Variants in ZNRF3 observed in about 807,000 individuals in gnomAD.
ZNRF3 encodes zinc and ring finger 3, also known as E3 ubiquitin-protein ligase ZNRF3.
In ZNRF3, 23 loss-of-function variants were observed where a neutral mutation model predicts 72.5. The ratio of observed to expected loss-of-function variants is 0.32; its 90% CI spans 0.23 to 0.45. The LOEUF (loss-of-function observed/expected upper bound fraction) is 0.45. Among genes scored for constraint, ZNRF3 ranks in the 20% least tolerant of loss-of-function variants. ZNRF3 has a pLI of 1.00. For missense variants in ZNRF3, 1,169 were observed against 1,272.1 expected (o/e 0.92, Z 1.23); for synonymous variants, 610 against 545.3 (o/e 1.12, Z -1.65).
chr22:28,967,779 G>A (rs2035498330), intron 1 of ZNRF3, among the ~76,000 whole-genome samples: 1 of 151,832 alleles, frequency 6.6e-6, no homozygotes, highest in Admixed American at 6.6e-5. Flanking sequence ...ACAAAAACTA[G>A]CCAGGCATAA....
At chr22:28,947,896 G>A (rs1022196267) in intron 1 of ZNRF3, among the ~76,000 whole-genome samples, 2 of 152,144 alleles carry the variant, frequency 1.3e-5, no homozygotes, top group Admixed American at 1.3e-4. Context: ...CCAGGTTGGA[G>A]TGCAGTGGCG....
At chr22:28,922,373 A>G (rs2123770027) in intron 1 of ZNRF3, among the ~76,000 whole-genome samples, 1 of 152,282 alleles carries the variant, frequency 6.6e-6, no homozygotes, top group African/African-American at 2.4e-5. Context: ...AATGCATGTT[A>G]TTTAAAATTT....
At chr22:28,976,974 G>A (rs533345809) in intron 1 of ZNRF3, among the ~76,000 whole-genome samples, 2 of 152,294 alleles carry the variant, frequency 1.3e-5, no homozygotes, top group South Asian at 2.1e-4. Context: ...ATAATTCTCT[G>A]ACAAAATGAA....
intron 4 of ZNRF3, among the ~76,000 whole-genome samples, chr22:29,043,893 T>G (rs540003237): frequency 6.6e-6 from 1 of 152,362 alleles, no homozygotes; most frequent in African/African-American, 2.4e-5. Context: ...AATTTGAGTC[T>G]GGAAAAGTTA....
intron 1 of ZNRF3, among the ~76,000 whole-genome samples, chr22:28,912,961 C>T (rs988945854): frequency 3.3e-5 from 5 of 152,132 alleles, no homozygotes; most frequent in African/African-American, 9.7e-5. Flanking sequence ...CCACCGCACC[C>T]GGCAGGGACA....
intron 5 of ZNRF3, among the ~76,000 whole-genome samples, chr22:29,045,186 C>G (rs998037601): frequency 3.3e-5 from 5 of 152,034 alleles, no homozygotes. Flanking sequence ...CATGGCAAAA[C>G]CCCGTCTCTA....
At chr22:29,011,051 G>A (rs952479126) in intron 2 of ZNRF3, among the ~76,000 whole-genome samples, 2 of 151,880 alleles carry the variant, frequency 1.3e-5, no homozygotes, top group Non-Finnish European at 2.9e-5. Flanking sequence ...CTCTTTTTTT[G>A]TGCTTGCTCT....
chr22:28,899,844 C>G (rs1010103596), intron 1 of ZNRF3, among the ~76,000 whole-genome samples: 1 of 152,024 alleles, frequency 6.6e-6, no homozygotes, highest in Non-Finnish European at 1.5e-5. Context: ...CGTGCACCAC[C>G]ATGCCCAGCT....
intron 2 of ZNRF3, among the ~76,000 whole-genome samples, chr22:29,035,166 C>G (rs1305761447): frequency 6.6e-6 from 1 of 152,004 alleles, no homozygotes. Context: ...ATGGGGCATA[C>G]CAATGTGGTC....
At chr22:29,016,479 G>T (rs554581702) in intron 2 of ZNRF3, among the ~76,000 whole-genome samples, 3 of 152,302 alleles carry the variant, frequency 2.0e-5, no homozygotes, top group African/African-American at 7.2e-5. Context: ...AAGAAAGCCT[G>T]AATGAGGCCA....
intron 1 of ZNRF3, among the ~76,000 whole-genome samples, chr22:28,891,757 T>C (rs1012240800): frequency 1.3e-5 from 2 of 152,232 alleles, no homozygotes; most frequent in Admixed American, 1.3e-4. Context: ...GACCAAGAAA[T>C]AAGTCTATAA....
chr22:28,937,171 T>TA (rs1344160403), intron 1 of ZNRF3, among the ~76,000 whole-genome samples: 2 of 119,332 alleles, frequency 1.7e-5, no homozygotes, highest in African/African-American at 8.1e-5. Flanking sequence ...ACTTCTCTCT[T>TA]ATAATATATA....
At chr22:28,920,392 T>C (rs1212422358) in intron 1 of ZNRF3, among the ~76,000 whole-genome samples, 1 of 152,104 alleles carries the variant, frequency 6.6e-6, no homozygotes, top group African/African-American at 2.4e-5. Context: ...TGCCTCAGTC[T>C]CCTGAGTGGC....
At chr22:28,972,961 C>T (rs1208163839) in intron 1 of ZNRF3, among the ~76,000 whole-genome samples, 1 of 152,138 alleles carries the variant, frequency 6.6e-6, no homozygotes, top group African/African-American at 2.4e-5. Context: ...ACATTTTCTT[C>T]TGTGGGTTTT....
At chr22:28,914,814 C>CAAA (rs567975458) in intron 1 of ZNRF3, among the ~76,000 whole-genome samples, 2 of 69,310 alleles carry the variant, frequency 2.9e-5, no homozygotes, top group African/African-American at 5.1e-5. Flanking sequence ...AACTCCGTCT[C>CAAA]AAAAAAAAAA....
At chr22:28,966,180 G>A (rs563487050) in intron 1 of ZNRF3, among the ~76,000 whole-genome samples, 1 of 152,268 alleles carries the variant, frequency 6.6e-6, no homozygotes, top group South Asian at 2.1e-4. Flanking sequence ...AAGATCTCAG[G>A]TCCTTGTCTA....
At chr22:29,019,721 C>T (rs1043601010) in intron 2 of ZNRF3, among the ~76,000 whole-genome samples, 2 of 152,204 alleles carry the variant, frequency 1.3e-5, no homozygotes, top group African/African-American at 4.8e-5. Flanking sequence ...AAGCACTTTA[C>T]ACCCATGAAC....
At chr22:28,885,455 C>T (rs2033763490) in intron 1 of ZNRF3, among the ~76,000 whole-genome samples, 1 of 152,110 alleles carries the variant, frequency 6.6e-6, no homozygotes, top group Non-Finnish European at 1.5e-5. Flanking sequence ...TAATTATGAT[C>T]TTTATAAGTT....
chr22:29,048,491 G>C lies in ZNRF3; in HGVS notation c.1015G>C (p.Glu339Gln). The change falls in exon 7 of 9, where the codon GAA (glutamate) becomes CAA (glutamine). Residue 339 changes from glutamate to glutamine, a missense_variant and splice_region_variant. By Grantham distance (29) the Glu-to-Gln change is conservative. Transcript: ENST00000544604. The surrounding 1 kb of genome is among the most constrained non-coding windows in gnomAD (Gnocchi z 4.9). ...TCPHCRHNII[E>Q]QKGNPSAVCV... is the part of the protein sequence containing the mutation. ...CCCCCACTGTCGGCACAACATCATA[G>C]GTAACTGTCACCCGCCTTAGCCATT... 1 of 1,614,092 alleles carries C rather than the reference G, an allele frequency of 6.2e-7. No individual in the cohort carries two copies. Among genetic ancestry groups the C allele is most frequent in the Non-Finnish European group, 8.5e-7 (1 of 1,179,938 alleles).
Sources: allele counts gnomAD v4.1 joint callset (sites outside exome capture counted in the v4.1 genomes callset), GRCh38; gene constraint gnomAD v4.1.1; non-coding constraint Gnocchi (gnomAD v3.1); transcripts MANE v1.5; gene names NCBI Gene and HGNC (gene_info 2026-07-23, HGNC 2026-07-21).